Variants in PRDM5 observed in about 807,000 individuals in gnomAD.
PRDM5 encodes PR domain zinc finger protein 5.
Under a neutral mutation model 81.2 loss-of-function variants are expected in PRDM5, and 56 were observed. The ratio of observed to expected loss-of-function variants is 0.69; its 90% CI spans 0.56 to 0.86. The LOEUF (loss-of-function observed/expected upper bound fraction) is 0.86, where lower values mean the gene tolerates loss of function less well. Ranked by LOEUF, PRDM5 falls within the 40% of genes least tolerant of loss-of-function variation. The pLI is 0.00. For missense variants in PRDM5, 697 were observed against 770.1 expected, an observed-to-expected ratio of 0.91 and a Z score of 1.12; for synonymous variants, 267 against 256.4, an observed-to-expected ratio of 1.04 and a Z score of -0.39.
intron 1 of PRDM5, 32 bp from the exon 2 acceptor site, chr4:120,907,589 T>C: frequency 6.5e-7 from 1 of 1,532,300 alleles, no homozygotes; most frequent in Admixed American, 1.7e-5. Flanking sequence ...GAACAAGGAT[T>C]AGTACAATAA....
chr4:120,841,587 T>C (rs1037225309), intron 3 of PRDM5, among the ~76,000 whole-genome samples: 2 of 152,258 alleles, frequency 1.3e-5, no homozygotes, highest in Non-Finnish European at 2.9e-5. Context: ...ATTTCCAATT[T>C]TGAAACACAA....
chr4:120,889,381 T>G (rs574802272), intron 2 of PRDM5, among the ~76,000 whole-genome samples: 36 of 152,216 alleles, frequency 2.4e-4, no homozygotes, highest in Non-Finnish European at 5.1e-4. Context: ...TATTTGTCTA[T>G]TCTCATGACA....
chr4:120,702,719 C>T (rs1469932828), intron 15 of PRDM5, among the ~76,000 whole-genome samples: 1 of 152,166 alleles, frequency 6.6e-6, no homozygotes, highest in Non-Finnish European at 1.5e-5. Flanking sequence ...AGAGTATTTT[C>T]AAGTGAAAGA....
At chr4:120,878,236 A>G (rs1762515181) in intron 2 of PRDM5, among the ~76,000 whole-genome samples, 1 of 152,258 alleles carries the variant, frequency 6.6e-6, no homozygotes, top group South Asian at 2.1e-4. Context: ...ATTAAAAAGT[A>G]CTCTGTAGAA....
intron 8 of PRDM5, among the ~76,000 whole-genome samples, chr4:120,801,900 C>A (rs1395881665): frequency 6.6e-6 from 1 of 151,480 alleles, no homozygotes; most frequent in African/African-American, 2.4e-5. Context: ...TTTATAATGA[C>A]AAACAAGATA....
chr4:120,772,510 G>A (rs1372118628), intron 13 of PRDM5, among the ~76,000 whole-genome samples: 1 of 152,318 alleles, frequency 6.6e-6, no homozygotes, highest in East Asian at 1.9e-4. Flanking sequence ...GGACATTAAC[G>A]TTGCAGCGGC....
intron 14 of PRDM5, among the ~76,000 whole-genome samples, chr4:120,747,178 G>A (rs1003584335): frequency 2.3e-4 from 35 of 149,856 alleles, no homozygotes; most frequent in African/African-American, 8.1e-4. Flanking sequence ...GTAAACTATC[G>A]CAAGAACAAA....
chr4:120,759,073 C>T (rs1003566812), intron 13 of PRDM5, among the ~76,000 whole-genome samples: 6 of 151,288 alleles, frequency 4.0e-5, no homozygotes, highest in African/African-American at 1.2e-4. Flanking sequence ...CTACTCTTAA[C>T]GGTGGCAGTT....
chr4:120,816,752 T>C (rs1754569028), intron 6 of PRDM5, 80 bp downstream of exon 6: 1 of 1,519,112 alleles, frequency 6.6e-7, no homozygotes, highest in Non-Finnish European at 9.1e-7. Context: ...TGAAACTGAA[T>C]TACTAAGAAG....
chr4:120,799,654 A>C lies in PRDM5; in HGVS notation c.1030+7T>G. On this transcript the variant is annotated splice_region_variant and intron_variant, in intron 9 of 15. Coordinates refer to ENST00000264808, the MANE Select transcript of PRDM5 (RefSeq NM_018699.4). ...ATCACTATAAACAAAAAAAGTATAT[A>C]GTTTACCTGAGTGGGTGATCATATG... is the stretch of plus-strand genomic sequence containing the variant. 1 of 1,611,780 alleles carries C rather than the reference A, an allele frequency of 6.2e-7. No individual in the cohort carries two copies. Among genetic ancestry groups the C allele is most frequent in the Non-Finnish European group, 8.5e-7 (1 of 1,179,508 alleles).
intron 3 of PRDM5, among the ~76,000 whole-genome samples, chr4:120,846,861 G>A (rs1359328992): frequency 6.6e-6 from 1 of 152,122 alleles, no homozygotes; most frequent in African/African-American, 2.4e-5. Flanking sequence ...ATTGGGCCTG[G>A]TACGTAGCAG....
In PRDM5 at chr4:120,873,362, C is replaced by T. The variant is rs191182564; in HGVS notation, c.178-19822G>A. On this transcript the variant is annotated intron_variant, in intron 2 of 15. Transcript: ENST00000264808. The stretch of plus-strand genomic sequence containing the variant: ...ATCCCCTCCCTTCACTCTAGTTGTA[C>T]AGACAGTGGGCTCAAGATATGTGCT... Among the ~76,000 whole-genome samples, 441 of 152,268 alleles carry T rather than the reference C, an allele frequency of 2.9e-3. 4 individuals are homozygous for T. The highest frequency in any genetic ancestry group is 7.6e-4 in the Non-Finnish European group (52 of 68,030).
At chr4:120,892,520 G>A (rs1764170740) in intron 2 of PRDM5, among the ~76,000 whole-genome samples, 1 of 152,144 alleles carries the variant, frequency 6.6e-6, no homozygotes, top group Non-Finnish European at 1.5e-5. Flanking sequence ...GGTCCACAGG[G>A]CTCTCTCAGG....
chr4:120,898,805 A>G (rs1179247495), intron 2 of PRDM5, among the ~76,000 whole-genome samples: 1 of 152,158 alleles, frequency 6.6e-6, no homozygotes, highest in Non-Finnish European at 1.5e-5. Context: ...TTTTAATTCT[A>G]TCTTTGCTAC....
At chr4:120,839,263 C>G (rs914011714) in intron 3 of PRDM5, 1 of 703,078 alleles carries the variant, frequency 1.4e-6, no homozygotes, top group African/African-American at 1.7e-5. Context: ...CGGCGGGTCC[C>G]AAATTCTTGT....
At chr4:120,911,520 G>C (rs946745541) in intron 1 of PRDM5, among the ~76,000 whole-genome samples, 4 of 152,168 alleles carry the variant, frequency 2.6e-5, no homozygotes, top group Non-Finnish European at 4.4e-5. Flanking sequence ...GGACTAGACA[G>C]TAACTTTTAA....
intron 1 of PRDM5, among the ~76,000 whole-genome samples, chr4:120,913,046 G>C (rs1282134796): frequency 1.3e-5 from 2 of 152,208 alleles, no homozygotes; most frequent in Non-Finnish European, 2.9e-5. Flanking sequence ...GTCTGAGGCA[G>C]ACTAGTTGCC....
rs1340703265 is a variant in PRDM5, at chr4:120,799,568, G to A, written c.1030+93C>T. On this transcript the variant is annotated intron_variant, in intron 9 of 15. Coordinates refer to ENST00000264808, the MANE Select transcript of PRDM5 (RefSeq NM_018699.4). ...GGTCCAAAGCAGAATTCATAGCTAA[G>A]GCCCCTGATTACCACTCTTAGAGTT... The A allele has an allele frequency of 4.1e-5, 62 of 1,525,112 alleles. 1 individual carries two copies. The Admixed American group carries it at 1.1e-3, about 27-fold the overall frequency. 94.5% of individuals were successfully genotyped at this position (1,525,112 alleles called of 1,614,324 possible).
chr4:120,792,080 A>G (rs936582894), intron 10 of PRDM5, among the ~76,000 whole-genome samples: 1 of 152,144 alleles, frequency 6.6e-6, no homozygotes, highest in Admixed American at 6.6e-5. Flanking sequence ...CCACCATCTC[A>G]TCTCTAATCT....
Sources: allele counts gnomAD v4.1 joint callset (sites outside exome capture counted in the v4.1 genomes callset), GRCh38; gene constraint gnomAD v4.1.1; transcripts MANE v1.5; gene names NCBI Gene and HGNC (gene_info 2026-07-23, HGNC 2026-07-21).